COG5: variants seen among roughly 807,000 people sequenced by gnomAD.
COG5 encodes conserved oligomeric Golgi complex subunit 5.
In COG5, 86 loss-of-function variants were observed where a neutral mutation model predicts 110.4. That is an observed-to-expected ratio of 0.78 (90% CI 0.65 to 0.93). The LOEUF is 0.93. Ranked by LOEUF, COG5 falls within the 40% of genes least tolerant of loss-of-function variation. The pLI is 0.00. For missense variants in COG5, 1,077 were observed against 987.0 expected, an observed-to-expected ratio of 1.09 and a Z score of -1.22; for synonymous variants, 360 against 334.6, an observed-to-expected ratio of 1.08 and a Z score of -0.83.
At chr7:107,407,665 T>G (rs1476977349) in intron 7 of COG5, among the ~76,000 whole-genome samples, 2 of 151,512 alleles carry the variant, frequency 1.3e-5, no homozygotes, top group African/African-American at 2.4e-5. Flanking sequence ...AAATAGAGGT[T>G]CTAAAACCAC....
intron 7 of COG5, among the ~76,000 whole-genome samples, chr7:107,385,546 A>G (rs1333328562): frequency 6.6e-6 from 1 of 152,226 alleles, no homozygotes; most frequent in African/African-American, 2.4e-5. Context: ...GGGAATTCTG[A>G]TGTACATTAC....
intron 16 of COG5, among the ~76,000 whole-genome samples, chr7:107,253,413 T>C (rs1216382442): frequency 6.6e-6 from 1 of 152,046 alleles, no homozygotes; most frequent in Non-Finnish European, 1.5e-5. Context: ...GCCTCAGCAA[T>C]CTGGAATATT....
intron 6 of COG5, among the ~76,000 whole-genome samples, chr7:107,481,993 T>C (rs1358152125): frequency 1.3e-5 from 2 of 152,114 alleles, no homozygotes; most frequent in East Asian, 3.9e-4. Flanking sequence ...TATTGTTGTA[T>C]CTTGTTTAGA....
chr7:107,437,263 TG>T, intron 6 of COG5, among the ~76,000 whole-genome samples: 1 of 152,310 alleles, frequency 6.6e-6, no homozygotes, highest in African/African-American at 2.4e-5. Flanking sequence ...CCCTTTCCTC[TG>T]CCTACTCTAC....
At chr7:107,353,424 CAAA>C (rs1169669994) in intron 10 of COG5, among the ~76,000 whole-genome samples, 118 of 84,096 alleles carry the variant, frequency 1.4e-3, no homozygotes, top group Non-Finnish European at 2.4e-3. Context: ...GACTCCGTCT[CAAA>C]AAAAAAAAAA....
intron 6 of COG5, among the ~76,000 whole-genome samples, chr7:107,503,785 G>A (rs1200528725): frequency 6.6e-6 from 1 of 152,072 alleles, no homozygotes; most frequent in Non-Finnish European, 1.5e-5. Flanking sequence ...TTCTTGATTT[G>A]ATTCTCAGCT....
chr7:107,362,926 C>T (rs1056784104), intron 8 of COG5, among the ~76,000 whole-genome samples: 2 of 151,860 alleles, frequency 1.3e-5, no homozygotes, highest in African/African-American at 2.4e-5. Flanking sequence ...TTTTAATTCA[C>T]GGAATTTTTA....
chr7:107,403,727 T>C (rs1791608348), intron 7 of COG5, among the ~76,000 whole-genome samples: 2 of 152,074 alleles, frequency 1.3e-5, no homozygotes, highest in African/African-American at 4.8e-5. Flanking sequence ...CTAATCCCAT[T>C]CAAGAGAGTC....
chr7:107,541,496 C>CAAAAAAAAAAAA (rs869244428), intron 5 of COG5, among the ~76,000 whole-genome samples: 3 of 31,960 alleles, frequency 9.4e-5, no homozygotes, highest in African/African-American at 1.7e-4. Context: ...GACCCTGTCT[C>CAAAAAAAAAAAA]AAAAAAAAAA....
intron 5 of COG5, among the ~76,000 whole-genome samples, chr7:107,544,067 C>T (rs1476472298): frequency 6.6e-6 from 1 of 152,128 alleles, no homozygotes; most frequent in South Asian, 2.1e-4. Context: ...AGGCACAAAG[C>T]AAGCACCCAC....
At chr7:107,276,730 C>T (rs1804730576) in intron 14 of COG5, among the ~76,000 whole-genome samples, 1 of 152,144 alleles carries the variant, frequency 6.6e-6, no homozygotes, top group Admixed American at 6.5e-5. Flanking sequence ...TCAGACTATA[C>T]AAACAAATCC....
At chr7:107,551,086 A>G (rs2129175123) in intron 3 of COG5, among the ~76,000 whole-genome samples, 1 of 152,276 alleles carries the variant, frequency 6.6e-6, no homozygotes, top group South Asian at 2.1e-4. Context: ...TCTGTCGCCC[A>G]GGCTGGAGTG....
At chr7:107,495,952 A>AT (rs139183279) in intron 6 of COG5, among the ~76,000 whole-genome samples, 82,025 of 148,406 alleles carry the variant, frequency 0.55, 23,090 homozygotes, top group African/African-American at 0.69. Context: ...TTTTTTAATT[A>AT]TTTTTTTTTT....
In COG5 at chr7:107,487,765, T is replaced by A. The variant is rs1395450732; in HGVS notation, c.538+39472A>T. ...ACTAAAATAATTAACAATAGATTAT[T>A]ACATAAAGTATTGGATAGTTTTTAA... On this transcript the variant is annotated intron_variant, in intron 6 of 21. Coordinates refer to ENST00000297135, the MANE Select transcript of COG5 (RefSeq NM_006348.5). 2.6e-5 allele frequency among the ~76,000 whole-genome samples: 4 copies of A among 152,222 alleles called. No homozygotes were observed. In the East Asian group the frequency reaches 7.7e-4, roughly 29 times the overall value.
intron 6 of COG5, among the ~76,000 whole-genome samples, chr7:107,514,391 T>A (rs1799773196): frequency 1.3e-5 from 2 of 151,790 alleles, no homozygotes; most frequent in Non-Finnish European, 2.9e-5. Flanking sequence ...TTTGGTTTAT[T>A]ATGAGGTTAT....
intron 6 of COG5, among the ~76,000 whole-genome samples, chr7:107,463,142 A>C (rs1213205434): frequency 6.6e-6 from 1 of 152,240 alleles, no homozygotes; most frequent in Non-Finnish European, 1.5e-5. Flanking sequence ...CCAGGGCCGT[A>C]ATGAGTCAAT....
intron 14 of COG5, among the ~76,000 whole-genome samples, chr7:107,279,030 T>A (rs1287681843): frequency 6.6e-6 from 1 of 152,074 alleles, no homozygotes; most frequent in African/African-American, 2.4e-5. Context: ...AGTTTTGCAA[T>A]CTATCCATCT....
intron 6 of COG5, among the ~76,000 whole-genome samples, chr7:107,488,352 G>T (rs2712196): frequency 0.21 from 31,448 of 151,784 alleles, 3,495 homozygotes; most frequent in East Asian, 0.33. Context: ...TTTAGAAAAA[G>T]ACATTTTCTC....
At chr7:107,409,962 T>C (rs1257068336) in intron 7 of COG5, among the ~76,000 whole-genome samples, 3 of 152,232 alleles carry the variant, frequency 2.0e-5, no homozygotes, top group African/African-American at 7.2e-5. Context: ...GAAGCCCAGC[T>C]GCATCTAAGA....
Sources: gnomAD v4.1 joint callset for allele counts (sites outside exome capture counted in the v4.1 genomes callset) on GRCh38, gnomAD v4.1.1 for gene constraint, MANE v1.5 for transcripts, NCBI Gene and HGNC (gene_info 2026-07-23, HGNC 2026-07-21) for gene names.